ATG7: variants seen among roughly 807,000 people sequenced by gnomAD.
ATG7 encodes autophagy related 7.
In ATG7, 70 loss-of-function variants were observed where a neutral mutation model predicts 82.4. The observed-to-expected ratio is 0.85, with a 90% CI of 0.70 to 1.04. The LOEUF (loss-of-function observed/expected upper bound fraction) is 1.04, where lower values mean the gene tolerates loss of function less well. Among genes scored for constraint, ATG7 ranks in the 50% least tolerant of loss-of-function variants. The probability of loss-of-function intolerance (pLI) is 0.00; values close to 1 mark genes in which losing one functional copy is unlikely to be tolerated. For missense variants in ATG7, 792 were observed against 864.3 expected (o/e 0.92, Z 1.05); for synonymous variants, 287 against 313.0 (o/e 0.92, Z 0.88).
chr3:11,305,338 C>A (rs141543123), intron 5 of ATG7, among the ~76,000 whole-genome samples: 1 of 152,204 alleles, frequency 6.6e-6, no homozygotes, highest in Non-Finnish European at 1.5e-5. Context: ...TGCTTGAGTT[C>A]TTGGTATGCA....
At chr3:11,396,169 A>T (rs997894343) in intron 19 of ATG7, among the ~76,000 whole-genome samples, 6 of 151,190 alleles carry the variant, frequency 4.0e-5, no homozygotes, top group African/African-American at 1.5e-4. Context: ...ACTCTAGGCC[A>T]GGCACAGTGG....
intron 20 of ATG7, among the ~76,000 whole-genome samples, chr3:11,502,037 T>TAC (rs147717751): frequency 4.6e-5 from 7 of 151,222 alleles, no homozygotes; most frequent in South Asian, 2.1e-4. Flanking sequence ...TATACACACA[T>TAC]ACACACATAT....
At chr3:11,527,083 A>G (rs1160915383) in intron 20 of ATG7, among the ~76,000 whole-genome samples, 4 of 148,394 alleles carry the variant, frequency 2.7e-5, no homozygotes, top group African/African-American at 9.8e-5. Flanking sequence ...ATATATATAT[A>G]TATATATATA....
At chr3:11,544,158 C>T (rs2071074496) in intron 20 of ATG7, among the ~76,000 whole-genome samples, 1 of 152,224 alleles carries the variant, frequency 6.6e-6, no homozygotes, top group Admixed American at 6.5e-5. Flanking sequence ...CTTCTGGATT[C>T]ATTGTGAGAG....
chr3:11,276,624 C>T (rs904805188), intron 1 of ATG7, among the ~76,000 whole-genome samples: 4 of 152,178 alleles, frequency 2.6e-5, no homozygotes, highest in Non-Finnish European at 5.9e-5. Context: ...TACCTGACCA[C>T]TTTTCCTTCT....
intron 11 of ATG7, among the ~76,000 whole-genome samples, chr3:11,337,118 C>T (rs4684066): frequency 2.7e-4 from 41 of 152,260 alleles, no homozygotes; most frequent in Admixed American, 2.6e-3. Context: ...TGTGCTGCTC[C>T]TGCTTGCCCA....
chr3:11,560,651 G>A (rs2072896557), downstream of ATG7, among the ~76,000 whole-genome samples: 1 of 152,202 alleles, frequency 6.6e-6, no homozygotes, highest in Non-Finnish European at 1.5e-5. Flanking sequence ...ACAAGGACCT[G>A]TGCTTGGGTC....
intron 20 of ATG7, among the ~76,000 whole-genome samples, chr3:11,453,275 C>T (rs2085375748): frequency 6.6e-6 from 1 of 152,180 alleles, no homozygotes; most frequent in Non-Finnish European, 1.5e-5. Flanking sequence ...TGTCCCCAAG[C>T]TTTAGTAACT....
At chr3:11,471,440 G>C (rs1250224387) in intron 20 of ATG7, among the ~76,000 whole-genome samples, 2 of 152,112 alleles carry the variant, frequency 1.3e-5, no homozygotes, top group African/African-American at 2.4e-5. Flanking sequence ...TATACCCTCA[G>C]TACCTAGCAT....
intron 20 of ATG7, among the ~76,000 whole-genome samples, chr3:11,539,536 G>A (rs1371718018): frequency 6.6e-6 from 1 of 152,382 alleles, no homozygotes; most frequent in African/African-American, 2.4e-5. Flanking sequence ...ATGAGTGGGA[G>A]ACTGCGTTGG....
intron 20 of ATG7, among the ~76,000 whole-genome samples, chr3:11,452,263 T>C (rs2085263394): frequency 6.6e-6 from 1 of 151,306 alleles, no homozygotes; most frequent in Non-Finnish European, 1.5e-5. Flanking sequence ...CACATGCCTG[T>C]AATCCCAGCT....
intron 6 of ATG7, among the ~76,000 whole-genome samples, chr3:11,307,751 C>T (rs183687321): frequency 1.3e-5 from 2 of 152,320 alleles, no homozygotes; most frequent in African/African-American, 4.8e-5. Context: ...CAGTTTATCC[C>T]AATCCTGTCT....
chr3:11,403,581 G>C lies in ATG7; in HGVS notation c.1957-23223G>C, dbSNP rs2080050547. Among the ~76,000 whole-genome samples the C allele has an allele frequency of 5.3e-5, 8 of 152,212 alleles. No homozygotes were observed. In the South Asian group the frequency reaches 1.7e-3, roughly 32 times the overall value. The stretch of plus-strand genomic sequence containing the variant: ...GGTTTTTTCTTCTGGTGAGTTACTT[G>C]CATTTCATTGGGAGAAAAATCTTCC... On this transcript the variant is annotated intron_variant, in intron 19 of 20. Coordinates refer to ENST00000693202, the MANE Select transcript of ATG7 (RefSeq NM_001349232.2).
chr3:11,421,894 A>C (rs1203613462), intron 19 of ATG7, among the ~76,000 whole-genome samples: 7 of 152,154 alleles, frequency 4.6e-5, no homozygotes, highest in Admixed American at 4.6e-4. Context: ...TCTCCATCAG[A>C]CCTCCTGGGT....
chr3:11,515,399 G>C (rs2092245503), intron 20 of ATG7, among the ~76,000 whole-genome samples: 1 of 151,840 alleles, frequency 6.6e-6, no homozygotes, highest in Non-Finnish European at 1.5e-5. Flanking sequence ...CACCTCCCCG[G>C]TTCAAGCGAT....
chr3:11,527,069 G>GTATATATATATATATA (rs1347586691), intron 20 of ATG7, among the ~76,000 whole-genome samples: 2 of 118,230 alleles, frequency 1.7e-5, no homozygotes, highest in South Asian at 2.8e-4. Flanking sequence ...GTGTGTGTGT[G>GTATATATATATATATA]TGTATATATA....
intron 20 of ATG7, among the ~76,000 whole-genome samples, chr3:11,517,445 G>A (rs1168365407): frequency 3.9e-5 from 6 of 152,112 alleles, no homozygotes; most frequent in African/African-American, 1.2e-4. Context: ...AATGCACAGA[G>A]GATTTTTGAG....
chr3:11,377,261 C>CTGAT (rs2077490604), intron 18 of ATG7, among the ~76,000 whole-genome samples: 1 of 152,170 alleles, frequency 6.6e-6, no homozygotes, highest in Non-Finnish European at 1.5e-5. Flanking sequence ...TGTGGGCCTT[C>CTGAT]TGATACAAAC....
chr3:11,563,639 C>G, the ATG7 span, among the ~76,000 whole-genome samples: 1 of 152,176 alleles, frequency 6.6e-6, no homozygotes, highest in Non-Finnish European at 1.5e-5. Context: ...AACTTGGCCT[C>G]GGGTTCCATC....
Sources: gnomAD v4.1 joint callset for allele counts (sites outside exome capture counted in the v4.1 genomes callset) on GRCh38, gnomAD v4.1.1 for gene constraint, MANE v1.5 for transcripts, NCBI Gene and HGNC (gene_info 2026-07-23, HGNC 2026-07-21) for gene names.